The following ABCC4 variants were observed in gnomAD, a reference collection of about 807,000 sequenced individuals.
The protein encoded by ABCC4 is ATP-binding cassette sub-family C member 4.
Under a neutral mutation model 168.5 loss-of-function variants are expected in ABCC4, and 102 were observed. The observed-to-expected ratio is 0.61, with a 90% confidence interval of 0.52 to 0.71. The LOEUF (loss-of-function observed/expected upper bound fraction) is 0.71, where lower values mean the gene tolerates loss of function less well. ABCC4 is among the 30% of genes least tolerant of loss of function. ABCC4 has a pLI of 0.00. For synonymous variants in ABCC4, 617 were observed against 590.7 expected (o/e 1.04, Z -0.65); for missense variants, 1,402 against 1,605.8 (o/e 0.87, Z 2.17).
chr13:95,219,899 AG>A (rs2039264896), intron 4 of ABCC4, among the ~76,000 whole-genome samples: 1 of 143,550 alleles, frequency 7.0e-6, no homozygotes, highest in Non-Finnish European at 1.5e-5. Context: ...CTTGTTGCCC[AG>A]GCTGGAGTGC....
In ABCC4 at chr13:95,207,787, T is replaced by A. The variant is rs1241720847; in HGVS notation, c.911+13A>T. 6.2e-7 allele frequency: 1 copy of A among 1,608,868 alleles called. No individual in the cohort carries two copies. Among genetic ancestry groups the A allele is most frequent in the South Asian group, 1.1e-5 (1 of 90,204 alleles). ...AAATACAAAAATATGGTACAATGTA[T>A]ACAAAAACTTACTTTCTCAAATTGG... is the stretch of plus-strand genomic sequence containing the variant. On this transcript the variant is annotated intron_variant, in intron 7 of 30. Coordinates refer to ENST00000645237, the MANE Select transcript of ABCC4 (RefSeq NM_005845.5).
At chr13:95,219,797 G>T (rs1163412460) in intron 4 of ABCC4, among the ~76,000 whole-genome samples, 1 of 151,994 alleles carries the variant, frequency 6.6e-6, no homozygotes, top group African/African-American at 2.4e-5. Context: ...AGGATTAGAG[G>T]TGTGTTTGGC....
chr13:95,029,981 GTCTA>G (rs778840317), intron 30 of ABCC4, among the ~76,000 whole-genome samples: 16 of 109,316 alleles, frequency 1.5e-4, no homozygotes, highest in African/African-American at 5.2e-4. Flanking sequence ...AGGACTTCTT[GTCTA>G]TCTATCCATC....
chr13:95,112,267 C>T (rs1005240523), intron 20 of ABCC4, among the ~76,000 whole-genome samples: 1 of 151,536 alleles, frequency 6.6e-6, no homozygotes, highest in Non-Finnish European at 1.5e-5. Flanking sequence ...GCATGAAAAT[C>T]GTTTGAACCT....
chr13:95,188,319 T>C, intron 10 of ABCC4, 134 bp downstream of exon 10: 3 of 771,982 alleles, frequency 3.9e-6, no homozygotes, highest in Non-Finnish European at 6.8e-6. Context: ...AAAACGAATG[T>C]TCCATGCACT....
chr13:95,258,373 T>C (rs2040444691), intron 1 of ABCC4, among the ~76,000 whole-genome samples: 1 of 152,148 alleles, frequency 6.6e-6, no homozygotes, highest in African/African-American at 2.4e-5. Context: ...TTTGTCCCCT[T>C]GCGTGCGAGC....
chr13:95,261,622 GA>G (rs953471767), intron 1 of ABCC4, among the ~76,000 whole-genome samples: 3 of 151,552 alleles, frequency 2.0e-5, no homozygotes, highest in African/African-American at 7.3e-5. Context: ...TATTGAAGAA[GA>G]AAAAAACACA....
chr13:95,273,788 G>A (rs1237177415), intron 1 of ABCC4, among the ~76,000 whole-genome samples: 6 of 149,120 alleles, frequency 4.0e-5, no homozygotes, highest in African/African-American at 1.2e-4. Context: ...TAAGTCTCAC[G>A]AGATCTGATG....
intron 1 of ABCC4, among the ~76,000 whole-genome samples, chr13:95,267,917 G>A (rs550843019): frequency 6.6e-5 from 10 of 152,228 alleles, no homozygotes; most frequent in South Asian, 2.1e-4. Flanking sequence ...CAATGAGCCC[G>A]TCAATCGTGC....
chr13:95,134,399 C>T (rs1254759504), intron 19 of ABCC4, among the ~76,000 whole-genome samples: 1 of 152,088 alleles, frequency 6.6e-6, no homozygotes. Flanking sequence ...AAGGAAAATG[C>T]TGCAGACTAT....
intron 27 of ABCC4, among the ~76,000 whole-genome samples, chr13:95,045,419 G>A (rs1019946171): frequency 2.0e-5 from 3 of 152,082 alleles, no homozygotes; most frequent in Non-Finnish European, 4.4e-5. Context: ...AGGAAATCAG[G>A]AGCTTATTCT....
chr13:95,240,551 CA>C (rs1183791906), intron 3 of ABCC4, among the ~76,000 whole-genome samples: 3 of 151,590 alleles, frequency 2.0e-5, no homozygotes, highest in Non-Finnish European at 2.9e-5. Flanking sequence ...CACACACACA[CA>C]CACACACACA....
intron 24 of ABCC4, 52 bp from the exon 25 acceptor site, chr13:95,071,905 G>A (rs2033738435): frequency 7.8e-7 from 1 of 1,286,996 alleles, no homozygotes; most frequent in Admixed American, 2.8e-5. Context: ...TGTCATTTAT[G>A]GATGTTAAGA....
chr13:95,098,692 A>G (rs762500990), intron 20 of ABCC4, among the ~76,000 whole-genome samples: 2 of 152,220 alleles, frequency 1.3e-5, no homozygotes, highest in African/African-American at 4.8e-5. Flanking sequence ...TAAAAAATCA[A>G]CAAGATTTTT....
At chr13:95,089,904 C>T (rs1221159871) in intron 20 of ABCC4, among the ~76,000 whole-genome samples, 2 of 151,960 alleles carry the variant, frequency 1.3e-5, no homozygotes, top group African/African-American at 4.8e-5. Flanking sequence ...AAGCCAATCC[C>T]AAGAGGTGGG....
At chr13:95,157,164 G>C (rs2139527682) in intron 19 of ABCC4, among the ~76,000 whole-genome samples, 1 of 150,902 alleles carries the variant, frequency 6.6e-6, no homozygotes, top group Non-Finnish European at 1.5e-5. Context: ...TGGTCACCTT[G>C]GATGAATGTG....
At position 95,206,752 on chromosome 13, in the gene ABCC4, G is replaced by T; in HGVS notation, c.941C>A (p.Ser314Tyr). Residue 314 changes from serine to tyrosine, a missense_variant, in exon 8 of 31, where the codon TCC becomes TAC. This residue lies in a region of ABCC4 where 78 missense variants were observed against 133.0 expected (regional missense o/e 0.59). Transcript: ENST00000645237. ...AGCCAAATTCATCCCTCTGAGGCAG[G>T]AACTTCTCAGAATCTTGGAAATCTC... The part of the protein sequence containing the change: ...KKEISKILRS[S>Y]CLRGMNLASF... The T allele has an allele frequency of 6.2e-7, 1 of 1,614,052 alleles. No homozygotes were observed. Among genetic ancestry groups the T allele is most frequent in the Non-Finnish European group, 8.5e-7 (1 of 1,179,978 alleles).
chr13:95,270,986 T>A (rs1457061839), intron 1 of ABCC4, among the ~76,000 whole-genome samples: 1 of 152,116 alleles, frequency 6.6e-6, no homozygotes, highest in East Asian at 1.9e-4. Context: ...TCCCAGCTAC[T>A]CGGGAGGCTG....
intron 1 of ABCC4, among the ~76,000 whole-genome samples, chr13:95,287,311 A>G (rs2041283429): frequency 6.7e-6 from 1 of 148,754 alleles, no homozygotes; most frequent in Admixed American, 6.7e-5. Context: ...AGAACTGGCC[A>G]GGGATGGTGG....
Sources: allele counts gnomAD v4.1 joint callset (sites outside exome capture counted in the v4.1 genomes callset), GRCh38; gene constraint gnomAD v4.1.1; regional missense constraint gnomAD v4.1.1; transcripts MANE v1.5; gene names NCBI Gene and HGNC (gene_info 2026-07-23, HGNC 2026-07-21).